NRG3: variants seen among roughly 807,000 people sequenced by gnomAD.
NRG3 encodes the protein neuregulin 3.
Under a neutral mutation model 66.9 loss-of-function variants are expected in NRG3, and 31 were observed. That is an observed-to-expected ratio of 0.46 (90% CI 0.35 to 0.63). The LOEUF (loss-of-function observed/expected upper bound fraction) is 0.63. Ranked by LOEUF, NRG3 falls within the 20% of genes least tolerant of loss-of-function variation. The pLI is 0.00. For synonymous variants in NRG3, 393 were observed against 359.4 expected, an observed-to-expected ratio of 1.09 and a Z score of -1.06; for missense variants, 910 against 878.9, an observed-to-expected ratio of 1.04 and a Z score of -0.45.
intron 2 of NRG3, among the ~76,000 whole-genome samples, chr10:82,649,610 C>T (rs1194715879): frequency 6.6e-6 from 1 of 151,700 alleles, no homozygotes; most frequent in Non-Finnish European, 1.5e-5. Flanking sequence ...CACACCACCA[C>T]GCCCGGCTAA....
chr10:82,400,431 A>T (rs547961119), intron 2 of NRG3, among the ~76,000 whole-genome samples: 92 of 152,156 alleles, frequency 6.0e-4, no homozygotes, highest in Non-Finnish European at 1.1e-3. Context: ...GCAGCTTCAG[A>T]TTCACTAGGT....
intron 2 of NRG3, among the ~76,000 whole-genome samples, chr10:82,474,445 A>G (rs75324472): frequency 0.012 from 1,783 of 152,286 alleles, 37 homozygotes; most frequent in African/African-American, 0.041. Flanking sequence ...TAAACAAATT[A>G]TGGAGCTAAA....
At chr10:82,568,337 G>A (rs1044801719) in intron 2 of NRG3, among the ~76,000 whole-genome samples, 2 of 151,880 alleles carry the variant, frequency 1.3e-5, no homozygotes, top group Admixed American at 1.3e-4. Flanking sequence ...CTTTAGTTTA[G>A]TTAACTCTGT....
intron 1 of NRG3, among the ~76,000 whole-genome samples, chr10:82,040,638 C>T (rs1397177467): frequency 1.3e-5 from 2 of 151,872 alleles, no homozygotes; most frequent in African/African-American, 2.4e-5. Flanking sequence ...AGGAGAAGAA[C>T]CCCACAGAGA....
chr10:82,010,004 G>A (rs2061515552), intron 1 of NRG3, among the ~76,000 whole-genome samples: 1 of 152,208 alleles, frequency 6.6e-6, no homozygotes, highest in South Asian at 2.1e-4. Context: ...CCCTGGAGAA[G>A]TGGAGATAAC....
chr10:81,879,293 T>G (rs925291054), intron 1 of NRG3, among the ~76,000 whole-genome samples: 5 of 152,244 alleles, frequency 3.3e-5, no homozygotes, highest in Non-Finnish European at 5.9e-5. Context: ...AAGTAGAGGT[T>G]AATTTACAAG....
chr10:82,154,811 A>C (rs1309766075), intron 1 of NRG3, among the ~76,000 whole-genome samples: 1 of 151,686 alleles, frequency 6.6e-6, no homozygotes, highest in East Asian at 1.9e-4. Flanking sequence ...TTGAAATACT[A>C]TTGTAAATTG....
chr10:82,488,151 C>T (rs1842833023), intron 2 of NRG3, among the ~76,000 whole-genome samples: 1 of 152,124 alleles, frequency 6.6e-6, no homozygotes, highest in Non-Finnish European at 1.5e-5. Flanking sequence ...TTGGTAATTT[C>T]AAGACCATGG....
At chr10:82,715,999 C>T (rs1023552434) in intron 2 of NRG3, among the ~76,000 whole-genome samples, 2 of 152,142 alleles carry the variant, frequency 1.3e-5, no homozygotes, top group Non-Finnish European at 2.9e-5. Flanking sequence ...AATTGCCTTC[C>T]AAAGGCCACA....
chr10:82,835,984 A>C (rs920648836), intron 3 of NRG3, among the ~76,000 whole-genome samples: 5 of 152,182 alleles, frequency 3.3e-5, no homozygotes, highest in Non-Finnish European at 5.9e-5. Flanking sequence ...TACCACCTTC[A>C]GGCCAAATCT....
intron 2 of NRG3, among the ~76,000 whole-genome samples, chr10:82,676,628 T>C (rs147632604): frequency 0.019 from 2,962 of 152,086 alleles, 93 homozygotes; most frequent in African/African-American, 0.068. Flanking sequence ...GGATTACAGG[T>C]GTGTCCCACC....
intron 3 of NRG3, among the ~76,000 whole-genome samples, chr10:82,757,367 A>G (rs993177438): frequency 6.6e-5 from 10 of 152,070 alleles, no homozygotes; most frequent in Non-Finnish European, 1.5e-4. Context: ...TACTGAATAA[A>G]CTTATCAGAC....
intron 2 of NRG3, among the ~76,000 whole-genome samples, chr10:82,536,405 C>T (rs1160515343): frequency 6.6e-6 from 1 of 152,180 alleles, no homozygotes; most frequent in Non-Finnish European, 1.5e-5. Context: ...TTGTTTTACT[C>T]GCATAGAGTT....
At chr10:82,173,712 AAG>A (rs1457016134) in intron 1 of NRG3, among the ~76,000 whole-genome samples, 3 of 99,570 alleles carry the variant, frequency 3.0e-5, no homozygotes, top group Admixed American at 9.7e-5. Context: ...CACGCATGAA[AAG>A]AGAGACCCAG....
At chr10:82,394,894 T>C (rs1026035781) in intron 2 of NRG3, among the ~76,000 whole-genome samples, 2 of 152,172 alleles carry the variant, frequency 1.3e-5, no homozygotes, top group African/African-American at 4.8e-5. Flanking sequence ...TGTGCTGCTG[T>C]GGAATGAATT....
At chr10:82,098,684 TTTG>T (rs930235733) in intron 1 of NRG3, among the ~76,000 whole-genome samples, 37 of 152,338 alleles carry the variant, frequency 2.4e-4, no homozygotes, top group African/African-American at 8.4e-4. Flanking sequence ...ATGGTTCTTT[TTTG>T]TTGTTGTTAG....
chr10:82,315,712 C>T (rs1433019323), intron 1 of NRG3, among the ~76,000 whole-genome samples: 1 of 148,182 alleles, frequency 6.7e-6, no homozygotes, highest in Non-Finnish European at 1.5e-5. Context: ...GTCGCCGAGG[C>T]TGGAGTGCAG....
At chr10:82,495,063 C>T (rs1284400759) in intron 2 of NRG3, among the ~76,000 whole-genome samples, 2 of 152,060 alleles carry the variant, frequency 1.3e-5, no homozygotes. Flanking sequence ...GCCTCAGCCT[C>T]CCGAGTAGCT....
At chr10:82,792,170 A>C (rs2060615040) in intron 3 of NRG3, among the ~76,000 whole-genome samples, 1 of 152,104 alleles carries the variant, frequency 6.6e-6, no homozygotes, top group Admixed American at 6.6e-5. Flanking sequence ...TTTTTTTACA[A>C]ATGTTACCTA....
Sources: gnomAD v4.1 joint callset for allele counts (sites outside exome capture counted in the v4.1 genomes callset) on GRCh38, gnomAD v4.1.1 for gene constraint, MANE v1.5 for transcripts, NCBI Gene and HGNC (gene_info 2026-07-23, HGNC 2026-07-21) for gene names.